The following GALNT13 variants were observed in gnomAD, a reference collection of about 807,000 sequenced individuals.
GALNT13 encodes the protein polypeptide N-acetylgalactosaminyltransferase 13, also known as UDP-GalNAc:polypeptide N-acetylgalactosaminyltransferase 13.
In GALNT13, 28 loss-of-function variants were observed where a neutral mutation model predicts 64.2. The observed-to-expected ratio is 0.44, with a 90% CI of 0.32 to 0.60. The LOEUF (loss-of-function observed/expected upper bound fraction) is 0.60. Ranked by LOEUF, GALNT13 falls within the 20% of genes least tolerant of loss-of-function variation. The probability of loss-of-function intolerance (pLI) is 0.05; values close to 1 mark genes in which losing one functional copy is unlikely to be tolerated. For synonymous variants in GALNT13, 214 were observed against 224.6 expected, an observed-to-expected ratio of 0.95 and a Z score of 0.42; for missense variants, 577 against 669.8, an observed-to-expected ratio of 0.86 and a Z score of 1.53.
intron 12 of GALNT13, among the ~76,000 whole-genome samples, chr2:154,449,517 T>C (rs928729980): frequency 2.7e-5 from 4 of 150,670 alleles, no homozygotes; most frequent in Non-Finnish European, 5.9e-5. Flanking sequence ...TTTCAAGATA[T>C]ATTTGCAAAT....
At chr2:154,424,625 T>C (rs960530659) in intron 11 of GALNT13, among the ~76,000 whole-genome samples, 3 of 152,158 alleles carry the variant, frequency 2.0e-5, no homozygotes, top group Non-Finnish European at 4.4e-5. Flanking sequence ...GGGCAGATGA[T>C]GTATAAATAT....
At chr2:153,590,534 A>G in the GALNT13 span, among the ~76,000 whole-genome samples, 1 of 152,156 alleles carries the variant, frequency 6.6e-6, no homozygotes, top group Non-Finnish European at 1.5e-5. Context: ...AAACAACAAC[A>G]AAAACTACAG....
At chr2:154,018,308 C>T (rs553030460) in intron 3 of GALNT13, among the ~76,000 whole-genome samples, 439 of 152,304 alleles carry the variant, frequency 2.9e-3, no homozygotes, top group South Asian at 5.2e-3. Flanking sequence ...GAAGGAGCCA[C>T]GTTTGCAAAA....
At chr2:153,578,217 A>G in the GALNT13 span, among the ~76,000 whole-genome samples, 1 of 152,170 alleles carries the variant, frequency 6.6e-6, no homozygotes, top group African/African-American at 2.4e-5. Context: ...CTATGTCAAT[A>G]AAACATTCCT....
intron 8 of GALNT13, among the ~76,000 whole-genome samples, chr2:154,292,310 T>C (rs1692691547): frequency 6.6e-6 from 1 of 152,136 alleles, no homozygotes; most frequent in Admixed American, 6.6e-5. Flanking sequence ...TAATTTTAAT[T>C]TCCCAAATTG....
intron 9 of GALNT13, among the ~76,000 whole-genome samples, chr2:154,365,297 T>A (rs530237855): frequency 2.0e-4 from 30 of 152,294 alleles, no homozygotes; most frequent in African/African-American, 6.5e-4. Context: ...TGGATATAAA[T>A]GATTTTCATA....
the GALNT13 span, among the ~76,000 whole-genome samples, chr2:153,600,762 A>T: frequency 1.3e-5 from 2 of 152,008 alleles, no homozygotes; most frequent in African/African-American, 2.4e-5. Flanking sequence ...TGGGTGGTAC[A>T]ATTTGGGTAC....
chr2:154,056,687 AC>A (rs1699909976), intron 3 of GALNT13, among the ~76,000 whole-genome samples: 1 of 152,150 alleles, frequency 6.6e-6, no homozygotes, highest in Non-Finnish European at 1.5e-5. Flanking sequence ...ATTGATAAAA[AC>A]ATCATGACCT....
intron 4 of GALNT13, among the ~76,000 whole-genome samples, chr2:154,184,602 T>C (rs1367838299): frequency 3.9e-5 from 6 of 152,124 alleles, no homozygotes; most frequent in South Asian, 2.1e-4. Flanking sequence ...TAAGAATACC[T>C]GAGGCTGGGT....
At chr2:153,960,934 G>A (rs6736549) in intron 3 of GALNT13, among the ~76,000 whole-genome samples, 3 of 152,024 alleles carry the variant, frequency 2.0e-5, no homozygotes, top group Non-Finnish European at 4.4e-5. Flanking sequence ...AAATTTTTAC[G>A]TTACAAATTA....
the GALNT13 span, among the ~76,000 whole-genome samples, chr2:153,521,435 G>C: frequency 6.6e-6 from 1 of 152,112 alleles, no homozygotes; most frequent in East Asian, 1.9e-4. Context: ...GAAGTACAGA[G>C]ATATCTCATA....
chr2:153,850,088 A>T, the GALNT13 span, among the ~76,000 whole-genome samples: 2 of 150,568 alleles, frequency 1.3e-5, no homozygotes, highest in Non-Finnish European at 3.0e-5. Context: ...CTGAGGCAGG[A>T]GAGTGGCATA....
the GALNT13 span, among the ~76,000 whole-genome samples, chr2:153,457,105 G>C: frequency 6.6e-6 from 1 of 152,140 alleles, no homozygotes; most frequent in African/African-American, 2.4e-5. Context: ...CAGAGTAGTC[G>C]GGTGGCTGCC....
chr2:153,646,617 C>G, the GALNT13 span, among the ~76,000 whole-genome samples: 2 of 152,100 alleles, frequency 1.3e-5, no homozygotes, highest in Non-Finnish European at 2.9e-5. Flanking sequence ...CCCCCCTCCC[C>G]CTACTCCACA....
chr2:153,444,467 C>G, the GALNT13 span, among the ~76,000 whole-genome samples: 1 of 152,162 alleles, frequency 6.6e-6, no homozygotes, highest in Admixed American at 6.5e-5. Context: ...ACAAAGTGCA[C>G]TAGCAGAAAA....
At chr2:153,650,802 T>A in the GALNT13 span, among the ~76,000 whole-genome samples, 30 of 152,262 alleles carry the variant, frequency 2.0e-4, no homozygotes, top group South Asian at 5.4e-3. Flanking sequence ...AATTTTTTTT[T>A]AACTAAAGAC....
At chr2:153,575,204 T>A in the GALNT13 span, among the ~76,000 whole-genome samples, 2,930 of 152,270 alleles carry the variant, frequency 0.019, 51 homozygotes, top group Middle Eastern at 0.031. Context: ...TTCTGTGCTT[T>A]CTGCCAAACA....
At chr2:153,606,181 G>GTA in the GALNT13 span, among the ~76,000 whole-genome samples, 1 of 152,106 alleles carries the variant, frequency 6.6e-6, no homozygotes, top group East Asian at 1.9e-4. Flanking sequence ...GTATGTGTGT[G>GTA]TATATATATC....
At chr2:153,148,075 T>C in the GALNT13 span, among the ~76,000 whole-genome samples, 1 of 151,904 alleles carries the variant, frequency 6.6e-6, no homozygotes, top group African/African-American at 2.4e-5. Flanking sequence ...CTAAGGTTGA[T>C]ATATGCACAA....
Sources: gnomAD v4.1 joint callset for allele counts (sites outside exome capture counted in the v4.1 genomes callset) on GRCh38, gnomAD v4.1.1 for gene constraint, MANE v1.5 for transcripts, NCBI Gene and HGNC (gene_info 2026-07-23, HGNC 2026-07-21) for gene names.